SMAD3: variants seen among roughly 807,000 people sequenced by gnomAD.
SMAD3 encodes the protein SMAD family member 3, also known as MAD homolog 3.
A neutral mutation model predicts 51.8 loss-of-function variants in SMAD3; 12 were observed. The observed-to-expected ratio is 0.23, with a 90% CI of 0.15 to 0.38. The LOEUF (loss-of-function observed/expected upper bound fraction) is 0.38, where lower values mean the gene tolerates loss of function less well. SMAD3 is among the 10% of genes least tolerant of loss of function. The pLI is 1.00. For missense variants in SMAD3, 294 were observed against 565.6 expected (o/e 0.52, Z 4.87); for synonymous variants, 238 against 227.7 (o/e 1.05, Z -0.41).
In SMAD3 at chr15:67,066,172, T is replaced by C. The variant is rs191495317; in HGVS notation, c.18T>C (p.Pro6=). The part of the protein sequence containing the change: MSSIL[P]FTPPIVKRLL... ...CCCCAGCCATGTCGTCCATCCTGCC[T>C]TTCACTCCCCCGATCGTGAAGCGCC... Residue 6 remains proline, a synonymous_variant, in exon 1 of 9, where the codon CCT becomes CCC. Coordinates refer to ENST00000327367, the MANE Select transcript of SMAD3 (RefSeq NM_005902.4). 1 of 1,604,846 alleles carries C rather than the reference T, an allele frequency of 6.2e-7. No homozygotes were observed. Among genetic ancestry groups the C allele is most frequent in the African/African-American group, 1.3e-5 (1 of 74,752 alleles).
chr15:67,140,948 A>G (rs1169980575), intron 1 of SMAD3, among the ~76,000 whole-genome samples: 1 of 152,234 alleles, frequency 6.6e-6, no homozygotes, highest in African/African-American at 2.4e-5. Flanking sequence ...GTTTTTTTCA[A>G]GAGAAGCCAA....
At chr15:67,175,070 G>A (rs931123485) in intron 5 of SMAD3, among the ~76,000 whole-genome samples, 9 of 152,216 alleles carry the variant, frequency 5.9e-5, no homozygotes, top group Non-Finnish European at 2.9e-5. Flanking sequence ...GTGAGTCACC[G>A]GGAATTTCCT....
intron 1 of SMAD3, among the ~76,000 whole-genome samples, chr15:67,070,797 T>C (rs1217968632): frequency 6.6e-6 from 1 of 151,698 alleles, no homozygotes; most frequent in African/African-American, 2.4e-5. Flanking sequence ...AAAATTCAGG[T>C]CCTGTACCTG....
At chr15:67,166,757 C>T in intron 3 of SMAD3, 22 bp from the exon 4 acceptor site, 1 of 1,560,654 alleles carries the variant, frequency 6.4e-7, no homozygotes, top group South Asian at 1.2e-5. Context: ...TTTTAACAGA[C>T]CACCTTCCTT....
Position 67,187,461 on chromosome 15 carries a change from T to A in SMAD3, c.1106T>A (p.Met369Lys), listed in dbSNP as rs1294653592. Reference protein sequence around the residue: ...GFEAVYQLTRMCTIRMSFVKG... With the variant: ...GFEAVYQLTRKCTIRMSFVKG... ...GAGGCTGTCTACCAGTTGACCCGAA[T>A]GTGCACCATCCGCATGAGCTTCGTC... The change falls in exon 8 of 9, where the codon ATG becomes AAG. Residue 369 changes from methionine (M) to lysine (K), a missense_variant. By Grantham distance (95) the Met-to-Lys change is moderately conservative. Coordinates refer to ENST00000327367, the MANE Select transcript of SMAD3 (RefSeq NM_005902.4). The A allele has an allele frequency of 6.2e-7, 1 of 1,614,128 alleles. No homozygotes were observed. The highest frequency in any genetic ancestry group is 1.7e-5 in the Admixed American group (1 of 60,026).
intron 1 of SMAD3, chr15:67,098,549 G>C (rs1311298194): frequency 2.9e-6 from 1 of 346,606 alleles, no homozygotes; most frequent in South Asian, 6.0e-5. Context: ...CCTCAGCCCC[G>C]GTAGCCTGTC....
chr15:67,096,326 C>T (rs1480291927), intron 1 of SMAD3, among the ~76,000 whole-genome samples: 1 of 152,134 alleles, frequency 6.6e-6, no homozygotes, highest in Non-Finnish European at 1.5e-5. Context: ...GAAGTAAAAA[C>T]GATTGAGTTA....
intron 1 of SMAD3, chr15:67,147,048 G>A (rs1340472453): frequency 6.6e-6 from 1 of 152,256 alleles, no homozygotes; most frequent in Non-Finnish European, 1.5e-5. Flanking sequence ...CACGGAGCCT[G>A]TTTGAGAATT....
intron 1 of SMAD3, among the ~76,000 whole-genome samples, chr15:67,131,696 A>G (rs999892205): frequency 3.9e-5 from 6 of 152,090 alleles, no homozygotes; most frequent in African/African-American, 1.4e-4. Flanking sequence ...ACTATACCTC[A>G]CTGCCTCTCT....
chr15:67,112,707 CTG>C (rs1397400542), intron 1 of SMAD3, among the ~76,000 whole-genome samples: 1 of 132,968 alleles, frequency 7.5e-6, no homozygotes, highest in African/African-American at 3.0e-5. Flanking sequence ...ATCTAAGAAA[CTG>C]TTGCTTAATC....
At chr15:67,170,311 A>G (rs189881947) in intron 4 of SMAD3, among the ~76,000 whole-genome samples, 1 of 152,334 alleles carries the variant, frequency 6.6e-6, no homozygotes, top group East Asian at 1.9e-4. Context: ...GACCTCTGAG[A>G]TCATAATCAT....
At chr15:67,174,301 G>C (rs1400878820) in intron 5 of SMAD3, 1 of 152,350 alleles carries the variant, frequency 6.6e-6, no homozygotes, top group Non-Finnish European at 1.5e-5. Flanking sequence ...CACCGATGAA[G>C]TTTGGCTGAA....
At chr15:67,155,611 C>A (rs906184921) in intron 1 of SMAD3, among the ~76,000 whole-genome samples, 1 of 152,146 alleles carries the variant, frequency 6.6e-6, no homozygotes, top group Non-Finnish European at 1.5e-5. Flanking sequence ...GCACTTCACC[C>A]AAACTTGAAG....
At chr15:67,155,725 A>G (rs1370821960) in intron 1 of SMAD3, among the ~76,000 whole-genome samples, 2 of 152,226 alleles carry the variant, frequency 1.3e-5, no homozygotes, top group African/African-American at 2.4e-5. Context: ...GCGGTGGCTC[A>G]CGCCTGTAAT....
intron 1 of SMAD3, chr15:67,138,039 C>T (rs1368488100): frequency 5.2e-6 from 8 of 1,551,526 alleles, no homozygotes; most frequent in Non-Finnish European, 7.0e-6. Flanking sequence ...GTCTTGCCTG[C>T]ACCCTAGGCA....
At chr15:67,086,637 T>A (rs547758125) in intron 1 of SMAD3, among the ~76,000 whole-genome samples, 1 of 152,190 alleles carries the variant, frequency 6.6e-6, no homozygotes, top group Non-Finnish European at 1.5e-5. Context: ...TGTAGACACA[T>A]GCCAGATGTA....
intron 1 of SMAD3, among the ~76,000 whole-genome samples, chr15:67,107,717 CCACCCCAAAGCCT>C: frequency 6.6e-6 from 1 of 152,344 alleles, no homozygotes; most frequent in African/African-American, 2.4e-5. Flanking sequence ...TTGCCCTCAC[CCACCCCAAAGCCT>C]CACCCTTCCC....
At chr15:67,127,545 C>T (rs975115231) in intron 1 of SMAD3, among the ~76,000 whole-genome samples, 1 of 152,224 alleles carries the variant, frequency 6.6e-6, no homozygotes, top group Non-Finnish European at 1.5e-5. Flanking sequence ...CTCATCCTCT[C>T]TCCTTCACCC....
At chr15:67,187,145 C>T in intron 7 of SMAD3, 1 of 684,226 alleles carries the variant, frequency 1.5e-6, no homozygotes. Flanking sequence ...GTCAGTGGCA[C>T]CTCCCAGTGA....
Sources: allele counts gnomAD v4.1 joint callset (sites outside exome capture counted in the v4.1 genomes callset), GRCh38; gene constraint gnomAD v4.1.1; transcripts MANE v1.5; gene names NCBI Gene and HGNC (gene_info 2026-07-23, HGNC 2026-07-21).